Variants in NELL1 observed in about 807,000 individuals in gnomAD.
The protein encoded by NELL1 is neural EGFL like 1, also known as protein kinase C-binding protein NELL1.
A neutral mutation model predicts 107.4 loss-of-function variants in NELL1; 76 were observed. The observed-to-expected ratio is 0.71, with a 90% CI of 0.59 to 0.86. NELL1 has a LOEUF of 0.86. NELL1 is among the 40% of genes least tolerant of loss of function. NELL1 has a pLI of 0.00. For missense variants in NELL1, 1,024 were observed against 1,005.5 expected (o/e 1.02, Z -0.25); for synonymous variants, 353 against 341.2 (o/e 1.03, Z -0.38).
At chr11:21,459,838 T>C (rs1540115) in intron 15 of NELL1, among the ~76,000 whole-genome samples, 133,684 of 152,034 alleles carry the variant, frequency 0.88, 58,816 homozygotes, top group East Asian at 0.98. Context: ...AAGGGCTTTG[T>C]ATGCAGACCA....
At chr11:21,061,439 A>C (rs111253532) in intron 12 of NELL1, among the ~76,000 whole-genome samples, 7 of 152,290 alleles carry the variant, frequency 4.6e-5, no homozygotes, top group African/African-American at 1.7e-4. Flanking sequence ...CCAGATAAAA[A>C]AGAAGGAGAA....
intron 15 of NELL1, among the ~76,000 whole-genome samples, chr11:21,372,812 G>T (rs12792491): frequency 0.21 from 31,986 of 151,802 alleles, 3,414 homozygotes; most frequent in Non-Finnish European, 0.24. Flanking sequence ...TTAGACCAGG[G>T]CCTGTGATCA....
At chr11:21,147,861 A>AAAAG (rs1856020066) in intron 13 of NELL1, among the ~76,000 whole-genome samples, 7 of 147,112 alleles carry the variant, frequency 4.8e-5, no homozygotes, top group South Asian at 4.2e-4. Flanking sequence ...AAAAAAAAAA[A>AAAAG]AAAAGAAAAG....
chr11:21,227,835 T>G (rs1448685169), intron 13 of NELL1, among the ~76,000 whole-genome samples: 1 of 152,202 alleles, frequency 6.6e-6, no homozygotes, highest in East Asian at 1.9e-4. Context: ...AACAATCAGA[T>G]GCATGTGTGT....
chr11:21,413,742 A>G (rs1455534856), intron 15 of NELL1, among the ~76,000 whole-genome samples: 3 of 152,024 alleles, frequency 2.0e-5, no homozygotes, highest in Non-Finnish European at 4.4e-5. Flanking sequence ...TAGCAAAGCA[A>G]TTTCTCTGAT....
chr11:21,240,723 T>C (rs923913795), intron 14 of NELL1, among the ~76,000 whole-genome samples: 1 of 143,638 alleles, frequency 7.0e-6, no homozygotes, highest in Non-Finnish European at 1.5e-5. Context: ...GACGTAGTCT[T>C]GTCCTAGCCT....
chr11:21,293,922 G>T (rs1461064107), intron 14 of NELL1, among the ~76,000 whole-genome samples: 1 of 152,090 alleles, frequency 6.6e-6, no homozygotes, highest in East Asian at 1.9e-4. Context: ...ACACACTGAA[G>T]CTTCTTGGAG....
chr11:20,912,560 T>C (rs1449977023), intron 5 of NELL1, among the ~76,000 whole-genome samples: 1 of 152,126 alleles, frequency 6.6e-6, no homozygotes, highest in African/African-American at 2.4e-5. Flanking sequence ...TGACAGTTTC[T>C]AAATAGTTGA....
chr11:21,469,799 G>A (rs1590956671), intron 15 of NELL1, among the ~76,000 whole-genome samples: 1 of 152,014 alleles, frequency 6.6e-6, no homozygotes, highest in South Asian at 2.1e-4. Context: ...GTCGAGGGTG[G>A]TGGGTTGTAG....
intron 14 of NELL1, chr11:21,260,843 A>C (rs376171505): frequency 9.2e-5 from 14 of 151,780 alleles, no homozygotes; most frequent in African/African-American, 3.4e-4. Flanking sequence ...ACAGCTTTTT[A>C]AATATTTTTT....
At chr11:21,256,217 G>A (rs1208241661) in intron 14 of NELL1, among the ~76,000 whole-genome samples, 1 of 151,898 alleles carries the variant, frequency 6.6e-6, no homozygotes, top group Non-Finnish European at 1.5e-5. Flanking sequence ...TATATGATAT[G>A]TAATTTTTAC....
chr11:21,271,093 A>G (rs916908025), intron 14 of NELL1, among the ~76,000 whole-genome samples: 10 of 152,104 alleles, frequency 6.6e-5, no homozygotes, highest in Non-Finnish European at 1.2e-4. Context: ...TTAGGAAACT[A>G]GAAAAAAATT....
intron 2 of NELL1, among the ~76,000 whole-genome samples, chr11:20,738,841 G>C (rs2133931314): frequency 6.6e-6 from 1 of 152,238 alleles, no homozygotes; most frequent in South Asian, 2.1e-4. Context: ...CAGTGTACTT[G>C]GTCTTTAACC....
chr11:21,390,006 T>C (rs930930690), intron 15 of NELL1, among the ~76,000 whole-genome samples: 2 of 151,842 alleles, frequency 1.3e-5, no homozygotes, highest in African/African-American at 2.4e-5. Flanking sequence ...GTTATACCCA[T>C]TTATATTCCT....
At chr11:21,340,951 C>T (rs1850550358) in intron 14 of NELL1, among the ~76,000 whole-genome samples, 1 of 152,134 alleles carries the variant, frequency 6.6e-6, no homozygotes, top group African/African-American at 2.4e-5. Context: ...CTCTACCATA[C>T]TTCTCACATT....
intron 15 of NELL1, among the ~76,000 whole-genome samples, chr11:21,429,981 A>G (rs1328678176): frequency 1.3e-5 from 2 of 152,194 alleles, no homozygotes; most frequent in Non-Finnish European, 2.9e-5. Context: ...TGAAGATTAA[A>G]TAACAAAGAC....
At chr11:20,758,944 G>A (rs1404412168) in intron 2 of NELL1, among the ~76,000 whole-genome samples, 2 of 152,150 alleles carry the variant, frequency 1.3e-5, no homozygotes, top group African/African-American at 4.8e-5. Flanking sequence ...AAGTACCTAA[G>A]GTTGGGAGAA....
chr11:21,043,455 C>T (rs1418368447), intron 12 of NELL1, among the ~76,000 whole-genome samples: 2 of 152,120 alleles, frequency 1.3e-5, no homozygotes, highest in East Asian at 1.9e-4. Context: ...GAGACAGAGG[C>T]AGGTCATGAT....
At chr11:21,250,662 T>A (rs1858614768) in intron 14 of NELL1, among the ~76,000 whole-genome samples, 1 of 152,220 alleles carries the variant, frequency 6.6e-6, no homozygotes, top group African/African-American at 2.4e-5. Flanking sequence ...CTAATTCAGA[T>A]CATTCCATAA....
Sources: allele counts gnomAD v4.1 joint callset (sites outside exome capture counted in the v4.1 genomes callset), GRCh38; gene constraint gnomAD v4.1.1; transcripts MANE v1.5; gene names NCBI Gene and HGNC (gene_info 2026-07-23, HGNC 2026-07-21).